MED9: variants seen among roughly 807,000 people sequenced by gnomAD.
MED9 encodes mediator complex subunit 9, also known as mediator of RNA polymerase II transcription subunit 9.
In MED9, 8 loss-of-function variants were observed where a neutral mutation model predicts 13.2. The observed-to-expected ratio is 0.61, with a 90% CI of 0.36 to 1.10. MED9 has a LOEUF of 1.10. Ranked by LOEUF, MED9 falls within the 50% of genes least tolerant of loss-of-function variation. MED9 has a pLI of 0.02. For missense variants in MED9, 180 were observed against 193.4 expected (o/e 0.93, Z 0.41); for synonymous variants, 87 against 82.8 (o/e 1.05, Z -0.28).
At chr17:17,482,921 A>G (rs950651173) in intron 1 of MED9, among the ~76,000 whole-genome samples, 7 of 152,102 alleles carry the variant, frequency 4.6e-5, no homozygotes, top group Non-Finnish European at 1.0e-4. Context: ...ACTTATGGAC[A>G]TTCTCTCCTT....
intron 1 of MED9, chr17:17,488,317 C>T (rs1314405169): frequency 6.6e-6 from 1 of 152,212 alleles, no homozygotes; most frequent in Non-Finnish European, 1.5e-5. Context: ...AAGTCTGTGT[C>T]AGTGGTTCTA....
At position 17,491,435 on chromosome 17, in the gene MED9, C is replaced by G; in HGVS notation, c.381C>G (p.Thr127=). The G allele has an allele frequency of 6.2e-7, 1 of 1,614,082 alleles. No individual in the cohort carries two copies. The highest frequency in any genetic ancestry group is 1.1e-5 in the South Asian group (1 of 91,080). The change falls in exon 2 of 2, where the codon ACC becomes ACG. Residue 127 remains threonine (T), a synonymous_variant. Coordinates refer to ENST00000268711, the MANE Select transcript of MED9 (RefSeq NM_018019.3). ...QLQSLREQVR[T]KNELLQKYKS... ...AGAGCCTCCGGGAGCAAGTCAGGAC[C>G]AAGAATGAGCTTCTGCAAAAGTACA...
At chr17:17,478,669 C>T (rs1173093801) in intron 1 of MED9, among the ~76,000 whole-genome samples, 2 of 152,118 alleles carry the variant, frequency 1.3e-5, no homozygotes, top group East Asian at 1.9e-4. Flanking sequence ...CCAGCCTCGT[C>T]GACATGGCAA....
At chr17:17,490,514 G>A (rs775733352) in intron 1 of MED9, among the ~76,000 whole-genome samples, 28 of 152,182 alleles carry the variant, frequency 1.8e-4, no homozygotes, top group Non-Finnish European at 3.5e-4. Context: ...TTCTTGCCTC[G>A]TTTTTCATTG....
intron 1 of MED9, chr17:17,477,485 G>A (rs1904944831): frequency 3.6e-6 from 2 of 548,636 alleles, no homozygotes. Context: ...CCTTAAGAAT[G>A]AAGCCAGCTT....
chr17:17,487,133 CTG>C (rs2142475072), intron 1 of MED9: 1 of 152,422 alleles, frequency 6.6e-6, no homozygotes, highest in South Asian at 2.1e-4. Flanking sequence ...TGTGTCCAAA[CTG>C]TATCTAACTA....
At position 17,483,678 on chromosome 17, in the gene MED9, C is replaced by A. The variant is rs978125829; in HGVS notation, c.224+6413C>A. 6.6e-6 allele frequency among the ~76,000 whole-genome samples: 1 copy of A among 152,160 alleles called. No homozygotes were observed. Among genetic ancestry groups the A allele is most frequent in the Non-Finnish European group, 1.5e-5 (1 of 68,028 alleles). On this transcript the variant is annotated intron_variant, in intron 1 of 1. Transcript: ENST00000268711. The surrounding 1 kb of genome is among the most constrained non-coding windows in gnomAD (Gnocchi z 4.2). ...GGGAGGCTGGGCACGGTGGCTCACACCTGTAATCCCAGCACTTTGGGAGGC... is the reference window on the plus strand; with the variant it reads ...GGGAGGCTGGGCACGGTGGCTCACAACTGTAATCCCAGCACTTTGGGAGGC...
At chr17:17,484,670 G>C (rs989596938) in intron 1 of MED9, among the ~76,000 whole-genome samples, 1 of 152,214 alleles carries the variant, frequency 6.6e-6, no homozygotes, top group Admixed American at 6.5e-5. Flanking sequence ...CCACAGATAG[G>C]GGGTGTTCAT....
chr17:17,484,767 T>C (rs781434586), intron 1 of MED9, among the ~76,000 whole-genome samples: 15 of 152,354 alleles, frequency 9.8e-5, no homozygotes, highest in Non-Finnish European at 2.1e-4. Flanking sequence ...GTATGACTTA[T>C]AACCAGAAGG....
At chr17:17,486,026 C>G (rs1905121740) in intron 1 of MED9, 1 of 151,720 alleles carries the variant, frequency 6.6e-6, no homozygotes, top group African/African-American at 2.4e-5. Context: ...GAAGTGTGTC[C>G]TCCGTGGCTA....
chr17:17,479,432 A>G (rs1904988191), intron 1 of MED9, among the ~76,000 whole-genome samples: 1 of 151,682 alleles, frequency 6.6e-6, no homozygotes, highest in South Asian at 2.1e-4. Context: ...TTGTTGGGAG[A>G]TGTACTCAGG....
intron 1 of MED9, chr17:17,485,614 C>T (rs1246726654): frequency 6.0e-6 from 2 of 330,610 alleles, no homozygotes; most frequent in Non-Finnish European, 1.1e-5. Context: ...GGTGGGACTG[C>T]ACCCTCCCCC....
intron 1 of MED9, chr17:17,477,475 C>T (rs903480763): frequency 1.8e-6 from 1 of 562,670 alleles, no homozygotes; most frequent in South Asian, 2.5e-5. Context: ...GGTGCGATAT[C>T]CTTAAGAATG....
chr17:17,487,922 GT>G (rs1289045682), intron 1 of MED9: 1 of 152,248 alleles, frequency 6.6e-6, no homozygotes, highest in Non-Finnish European at 1.5e-5. Context: ...AAGTTTGTGT[GT>G]TTTGTATGCT....
chr17:17,477,193 C>T lies in MED9; in HGVS notation c.152C>T (p.Pro51Leu), dbSNP rs1464262354. The T allele has an allele frequency of 1.9e-6, 3 of 1,610,648 alleles. No individual in the cohort carries two copies. Among genetic ancestry groups the T allele is most frequent in the South Asian group, 1.1e-5 (1 of 90,842 alleles). The change falls in exon 1 of 2, where the codon CCT becomes CTT. Residue 51 changes from proline to leucine, a missense_variant. Physicochemically the swap from Pro to Leu is moderately conservative, Grantham distance 98. Coordinates refer to ENST00000268711, the MANE Select transcript of MED9 (RefSeq NM_018019.3). ...CCGCAGCAGTCGCCGGCGCCACGGC[C>T]TCAGTCACCTGCCCGCGCGAGGGAG... ...PQPQQSPAPR[P>L]QSPARAREEE...
chr17:17,482,269 G>T (rs757663854), intron 1 of MED9, among the ~76,000 whole-genome samples: 3 of 152,048 alleles, frequency 2.0e-5, no homozygotes, highest in Non-Finnish European at 4.4e-5. Context: ...ATCTGTTTGG[G>T]TCACTATGAG....
At position 17,480,595 on chromosome 17, in the gene MED9, A is replaced by G. The variant is rs576757955; in HGVS notation, c.224+3330A>G. Among the ~76,000 whole-genome samples the G allele has an allele frequency of 3.0e-4, 46 of 152,312 alleles. 1 individual carries two copies. The South Asian group carries it at 9.1e-3, about 30-fold the overall frequency. ...AGCTTGAACCCAGGGAGCTGAGGCT[A>G]CGGTGAGCCATGATCGCACTGCTAC... On this transcript the variant is annotated intron_variant, in intron 1 of 1. Transcript: ENST00000268711.
chr17:17,488,851 AGAAACCACAGTACCACAGTAGTTGG>A (rs1905184261), intron 1 of MED9, among the ~76,000 whole-genome samples: 1 of 151,992 alleles, frequency 6.6e-6, no homozygotes, highest in Admixed American at 6.6e-5. Context: ...AAAGAAAAAA[AGAAACCACAGTACCACAGTAGTTGG>A]GACCAAAGTG....
chr17:17,491,589 C>G lies in MED9; in HGVS notation c.*94C>G. 8.3e-7 allele frequency: 1 copy of G among 1,211,420 alleles called. No individual in the cohort carries two copies. The highest frequency in any genetic ancestry group is 1.3e-5 in the South Asian group (1 of 77,780). 75.0% of individuals were successfully genotyped at this position (1,211,420 alleles called of 1,614,324 possible). A position where few individuals can be genotyped will look rare whatever the true frequency, so the allele number is the denominator to read the frequency against. ...CTCCTTGGGGCGTGGTTCCTGTGGACCCCAGCTCAGCTCGTCAAGCTGCAG... is the reference window on the plus strand; with the variant it reads ...CTCCTTGGGGCGTGGTTCCTGTGGAGCCCAGCTCAGCTCGTCAAGCTGCAG... On this transcript the variant is annotated 3_prime_UTR_variant, in exon 2 of 2. Coordinates refer to ENST00000268711, the MANE Select transcript of MED9 (RefSeq NM_018019.3).
Sources: allele counts gnomAD v4.1 joint callset (sites outside exome capture counted in the v4.1 genomes callset), GRCh38; gene constraint gnomAD v4.1.1; non-coding constraint Gnocchi (gnomAD v3.1); transcripts MANE v1.5; gene names NCBI Gene and HGNC (gene_info 2026-07-23, HGNC 2026-07-21).